The following FAM184A variants were observed in gnomAD, a reference collection of about 807,000 sequenced individuals.
The protein encoded by FAM184A is family with sequence similarity 184 member A.
In FAM184A, 99 loss-of-function variants were observed where a neutral mutation model predicts 143.8. The ratio of observed to expected loss-of-function variants is 0.69; its 90% CI spans 0.58 to 0.81. The LOEUF is 0.81. Ranked by LOEUF, FAM184A falls within the 40% of genes least tolerant of loss-of-function variation. The pLI, the probability that FAM184A is intolerant of heterozygous loss-of-function variation, is 0.00. For missense variants in FAM184A, 1,217 were observed against 1,310.5 expected, an observed-to-expected ratio of 0.93 and a Z score of 1.10; for synonymous variants, 427 against 446.4, an observed-to-expected ratio of 0.96 and a Z score of 0.55.
At chr6:119,086,343 C>T (rs1337673422) in intron 1 of FAM184A, among the ~76,000 whole-genome samples, 1 of 152,160 alleles carries the variant, frequency 6.6e-6, no homozygotes, top group African/African-American at 2.4e-5. Flanking sequence ...CTAGTGAAGA[C>T]AGACAAATGA....
At chr6:119,004,413 A>G (rs1406396481) in intron 7 of FAM184A, among the ~76,000 whole-genome samples, 1 of 152,252 alleles carries the variant, frequency 6.6e-6, no homozygotes, top group African/African-American at 2.4e-5. Context: ...AAACAAGCCA[A>G]TGTTGAAATT....
chr6:119,081,840 G>A (rs1433542538), upstream of FAM184A, among the ~76,000 whole-genome samples: 3 of 152,198 alleles, frequency 2.0e-5, no homozygotes, highest in Non-Finnish European at 4.4e-5. Context: ...ACGTCCAGCT[G>A]CCTGTGTGAC....
intron 16 of FAM184A, chr6:118,962,272 G>A (rs1442208026): frequency 1.7e-5 from 5 of 291,366 alleles, no homozygotes. Flanking sequence ...TACCCTTTTG[G>A]GAAGAAAAGG....
intron 1 of FAM184A, among the ~76,000 whole-genome samples, chr6:119,048,751 T>C (rs1786630628): frequency 2.0e-5 from 3 of 152,116 alleles, no homozygotes; most frequent in African/African-American, 7.2e-5. Flanking sequence ...AGAATGATGG[T>C]TACCAGAGGC....
At chr6:119,116,966 G>C (rs1480184636) in intron 1 of FAM184A, among the ~76,000 whole-genome samples, 1 of 152,186 alleles carries the variant, frequency 6.6e-6, no homozygotes, top group Non-Finnish European at 1.5e-5. Flanking sequence ...TAAATGTTTT[G>C]ACTTTATCCT....
chr6:119,148,761 G>A (rs1772541835), intron 1 of FAM184A, among the ~76,000 whole-genome samples: 1 of 151,812 alleles, frequency 6.6e-6, no homozygotes, highest in Non-Finnish European at 1.5e-5. Flanking sequence ...CAGAAAGTTG[G>A]CAAACTGCAA....
chr6:119,002,856 G>A, intron 9 of FAM184A, 43 bp downstream of exon 9: 1 of 1,506,302 alleles, frequency 6.6e-7, no homozygotes, highest in African/African-American at 1.4e-5. Context: ...GCCAGAGAAT[G>A]TCAAGGGAGA....
chr6:119,067,195 AG>A (rs1448282565), intron 1 of FAM184A, among the ~76,000 whole-genome samples: 1 of 152,204 alleles, frequency 6.6e-6, no homozygotes, highest in Non-Finnish European at 1.5e-5. Context: ...GGTGGCCTGT[AG>A]GTGACTGGCA....
intron 1 of FAM184A, among the ~76,000 whole-genome samples, chr6:119,038,341 T>C (rs570498037): frequency 1.3e-5 from 2 of 152,192 alleles, no homozygotes; most frequent in Non-Finnish European, 2.9e-5. Context: ...GGCTGAAACC[T>C]ACTGGGCTGC....
chr6:119,146,258 T>G lies in FAM184A; in HGVS notation c.-202+2820A>C, dbSNP rs554409237. ...AGGCTGAGTATAGATATGGCCAAAA[T>G]TAATGACTGAAATTTGGGGAACTCT... is the stretch of plus-strand genomic sequence containing the variant. On this transcript the variant is annotated intron_variant, in intron 1 of 16. Coordinates refer to the FAM184A transcript ENST00000352896. Among the ~76,000 whole-genome samples the G allele has an allele frequency of 2.6e-5, 4 of 152,186 alleles. No individual in the cohort carries two copies. In the East Asian group the frequency reaches 7.7e-4, roughly 29 times the overall value.
At chr6:118,998,208 C>T (rs1784632809) in intron 9 of FAM184A, among the ~76,000 whole-genome samples, 5 of 152,208 alleles carry the variant, frequency 3.3e-5, no homozygotes, top group Admixed American at 3.3e-4. Context: ...ATATTTTCTT[C>T]TCTTCTACCA....
intron 1 of FAM184A, among the ~76,000 whole-genome samples, chr6:119,111,653 A>C (rs896038133): frequency 6.6e-6 from 1 of 152,226 alleles, no homozygotes; most frequent in Non-Finnish European, 1.5e-5. Flanking sequence ...CCCATTCCTG[A>C]AAGAGGTGTC....
chr6:119,008,484 A>G (rs1391947521), intron 6 of FAM184A, among the ~76,000 whole-genome samples: 9 of 152,322 alleles, frequency 5.9e-5, no homozygotes, highest in African/African-American at 2.2e-4. Context: ...ATTTAAGAGA[A>G]AAAGAAAAGC....
intron 1 of FAM184A, among the ~76,000 whole-genome samples, chr6:119,084,908 C>A (rs887080514): frequency 2.0e-5 from 3 of 152,216 alleles, no homozygotes; most frequent in African/African-American, 7.2e-5. Context: ...GCCCTTTGAG[C>A]CAAAACTGGA....
intron 9 of FAM184A, among the ~76,000 whole-genome samples, chr6:118,983,807 T>C (rs892576832): frequency 2.6e-5 from 4 of 152,028 alleles, no homozygotes; most frequent in African/African-American, 9.7e-5. Flanking sequence ...TACAGTCTTT[T>C]TGAAAATGGA....
At chr6:119,057,081 G>A (rs1413830140) in intron 1 of FAM184A, among the ~76,000 whole-genome samples, 1 of 152,146 alleles carries the variant, frequency 6.6e-6, no homozygotes, top group East Asian at 1.9e-4. Flanking sequence ...TTCAATAATG[G>A]AACAAAAGGC....
intron 1 of FAM184A, among the ~76,000 whole-genome samples, chr6:119,117,831 A>T (rs1260763392): frequency 6.6e-6 from 1 of 152,108 alleles, no homozygotes; most frequent in Non-Finnish European, 1.5e-5. Context: ...AGGTGTGTGG[A>T]GTCTGCCTTT....
At chr6:119,127,855 CAACA>C (rs1301405715) in intron 1 of FAM184A, among the ~76,000 whole-genome samples, 2 of 152,190 alleles carry the variant, frequency 1.3e-5, no homozygotes, top group African/African-American at 2.4e-5. Flanking sequence ...TTCATTCATT[CAACA>C]AACATTCATT....
At chr6:119,022,821 G>A (rs1243972325) in intron 3 of FAM184A, 124 bp downstream of exon 3, 2 of 1,121,454 alleles carry the variant, frequency 1.8e-6, no homozygotes, top group Non-Finnish European at 1.3e-6. Flanking sequence ...AGGTTGCAAT[G>A]AGCCGAGATT....
Sources: allele counts gnomAD v4.1 joint callset (sites outside exome capture counted in the v4.1 genomes callset), GRCh38; gene constraint gnomAD v4.1.1; transcripts MANE v1.5; gene names NCBI Gene and HGNC (gene_info 2026-07-23, HGNC 2026-07-21).